The following LAMP3 variants were observed in gnomAD, a reference collection of about 807,000 sequenced individuals.
LAMP3 encodes the protein lysosome associated membrane protein 3.
In LAMP3, 26 loss-of-function variants were observed where a neutral mutation model predicts 34.8. The ratio of observed to expected loss-of-function variants is 0.75; its 90% CI spans 0.55 to 1.04. The LOEUF is 1.04. Ranked by LOEUF, LAMP3 falls within the 50% of genes least tolerant of loss-of-function variation. The pLI is 0.00. For missense variants in LAMP3, 495 were observed against 524.0 expected (o/e 0.94, Z 0.54); for synonymous variants, 180 against 201.9 (o/e 0.89, Z 0.92).
intron 1 of LAMP3, among the ~76,000 whole-genome samples, chr3:183,159,553 A>G (rs1464737760): frequency 6.6e-6 from 1 of 152,186 alleles, no homozygotes; most frequent in Non-Finnish European, 1.5e-5. Flanking sequence ...TTTAGCCCCC[A>G]GCATGTTTTC....
intron 3 of LAMP3, among the ~76,000 whole-genome samples, chr3:183,145,333 C>T (rs962170660): frequency 2.6e-5 from 4 of 152,278 alleles, no homozygotes; most frequent in Middle Eastern, 3.4e-3. Context: ...CCAAATACCA[C>T]GCTGAACACT....
intron 1 of LAMP3, among the ~76,000 whole-genome samples, chr3:183,159,346 G>A (rs188378180): frequency 1.2e-4 from 19 of 152,354 alleles, no homozygotes; most frequent in African/African-American, 4.6e-4. Flanking sequence ...CAGAAGTCTT[G>A]TATGTCTGGA....
chr3:183,158,980 C>A (rs1195931145), intron 1 of LAMP3, among the ~76,000 whole-genome samples: 1 of 151,936 alleles, frequency 6.6e-6, no homozygotes, highest in Admixed American at 6.6e-5. Context: ...CTCACTGTAG[C>A]CTCAGCTTCC....
At position 183,154,358 on chromosome 3, in the gene LAMP3, T is replaced by G. The variant is rs781069763; in HGVS notation, c.83A>C (p.Lys28Thr). ...ILHDGSQMRA[K>T]AFPETRDYSQ... ...ATAATCTCTGGTTTCTGGAAATGCT[T>G]TTGCTCTCATTTGACTGCCATCGTG... is the stretch of plus-strand genomic sequence containing the variant. The change falls in exon 2 of 6, where the codon AAA becomes ACA. Residue 28 changes from lysine (K) to threonine (T), a missense_variant. By Grantham distance (78) the Lys-to-Thr change is moderately conservative (BLOSUM62 -1). Coordinates refer to ENST00000265598, the MANE Select transcript of LAMP3 (RefSeq NM_014398.4). 2 of 1,605,104 alleles carry G rather than the reference T, an allele frequency of 1.2e-6. No individual in the cohort carries two copies. Among genetic ancestry groups the G allele is most frequent in the Non-Finnish European group, 1.7e-6 (2 of 1,176,188 alleles).
At chr3:183,136,051 T>G (rs1282352242) in intron 4 of LAMP3, among the ~76,000 whole-genome samples, 164 bp from the exon 5 acceptor site, 1 of 152,144 alleles carries the variant, frequency 6.6e-6, no homozygotes, top group East Asian at 1.9e-4. Flanking sequence ...TGGTGCGGTT[T>G]GGAGACTTTT....
Position 183,139,519 on chromosome 3 carries a change from G to A in LAMP3, c.946+1019C>T, listed in dbSNP as rs113191789. 3.2e-4 allele frequency among the ~76,000 whole-genome samples: 48 copies of A among 152,188 alleles called. 1 individual carries two copies. Among genetic ancestry groups the A allele is most frequent in the Middle Eastern group, 3.4e-3 (1 of 294 alleles). On this transcript the variant is annotated intron_variant, in intron 4 of 5. Transcript: ENST00000265598. ...AAGCCATGGATAGTACTGAACTCTA[G>A]ATATACTGTTTTTTCCTGCATATAC...
At chr3:183,137,458 A>G (rs912179461) in intron 4 of LAMP3, among the ~76,000 whole-genome samples, 3 of 152,166 alleles carry the variant, frequency 2.0e-5, no homozygotes, top group African/African-American at 7.2e-5. Flanking sequence ...TGGCCAGAGG[A>G]CCCAACTCTC....
At chr3:183,130,121 A>G (rs602586) in intron 5 of LAMP3, among the ~76,000 whole-genome samples, 128,877 of 149,362 alleles carry the variant, frequency 0.86, 56,070 homozygotes, top group Middle Eastern at 0.93. Context: ...TATGTTACTA[A>G]GACAGTCTTA....
chr3:183,147,865 C>T (rs1000075977), intron 3 of LAMP3, among the ~76,000 whole-genome samples: 18 of 152,076 alleles, frequency 1.2e-4, no homozygotes, highest in Non-Finnish European at 2.1e-4. Context: ...CACAGGTACA[C>T]GTCACCATGG....
chr3:183,163,670 G>C (rs985387829), upstream of LAMP3: 3 of 152,410 alleles, frequency 2.0e-5, no homozygotes, highest in Non-Finnish European at 4.4e-5. Context: ...CCAGCCACTA[G>C]GCGAGCAGGA....
intron 3 of LAMP3, among the ~76,000 whole-genome samples, chr3:183,142,877 G>T (rs2108603721): frequency 6.6e-6 from 1 of 152,284 alleles, no homozygotes; most frequent in African/African-American, 2.4e-5. Flanking sequence ...CCTTCCGGAT[G>T]CACAGGCAGA....
At chr3:183,134,553 T>G (rs1720025723) in intron 5 of LAMP3, among the ~76,000 whole-genome samples, 6 of 152,066 alleles carry the variant, frequency 3.9e-5, no homozygotes, top group Admixed American at 3.9e-4. Context: ...AAGAAAGAAA[T>G]AGTTTTCCAA....
At chr3:183,144,384 G>A (rs1720377902) in intron 3 of LAMP3, among the ~76,000 whole-genome samples, 1 of 152,180 alleles carries the variant, frequency 6.6e-6, no homozygotes, top group African/African-American at 2.4e-5. Flanking sequence ...ATGAAGTTTG[G>A]GGAACAATGA....
rs1449718229 is a variant in LAMP3, at chr3:183,122,799, T to C, written c.*1282A>G. ...GTCTCATGATCCTGGATAAACCCAT[T>C]TCCCTGTAAGGTGAGCGTATGCTGG... On this transcript the variant is annotated 3_prime_UTR_variant, in exon 6 of 6. Transcript: ENST00000265598. 1.3e-5 allele frequency: 2 copies of C among 152,212 alleles called. No homozygotes were observed. The highest frequency in any genetic ancestry group is 2.9e-5 in the Non-Finnish European group (2 of 68,036). The allele number at this position is 152,212 out of a possible 1,614,324, so 9.4% of individuals were successfully genotyped here.
chr3:183,140,460 A>T, intron 4 of LAMP3, 78 bp downstream of exon 4: 3 of 706,950 alleles, frequency 4.2e-6, no homozygotes, highest in Non-Finnish European at 7.5e-6. Context: ...ACATGAGAAG[A>T]TTCAATGGGA....
At position 183,130,409 on chromosome 3, in the gene LAMP3, C is replaced by T. The variant is rs546773852; in HGVS notation, c.1117+5308G>A. ...TCCTGACCTCATGATCCGCCCGCCT[C>T]GGCCTCCCAAAGTGCTGGGATTACA... On this transcript the variant is annotated intron_variant, in intron 5 of 5. Transcript: ENST00000265598. 2.7e-4 allele frequency among the ~76,000 whole-genome samples: 41 copies of T among 152,090 alleles called. 1 individual carries two copies. The highest frequency in any genetic ancestry group is 3.9e-4 in the African/African-American group (16 of 41,494).
At chr3:183,149,743 G>C (rs1720573024) in intron 3 of LAMP3, among the ~76,000 whole-genome samples, 1 of 151,266 alleles carries the variant, frequency 6.6e-6, no homozygotes. Context: ...GTAACACAAA[G>C]GATAAATGCT....
intron 5 of LAMP3, among the ~76,000 whole-genome samples, chr3:183,128,955 G>T (rs928880847): frequency 3.3e-5 from 5 of 152,118 alleles, no homozygotes; most frequent in African/African-American, 1.2e-4. Flanking sequence ...GGGCTTATTT[G>T]TGTTGCATCC....
intron 1 of LAMP3, chr3:183,158,103 C>T (rs1176577799): frequency 6.6e-6 from 1 of 152,290 alleles, no homozygotes; most frequent in Non-Finnish European, 1.5e-5. Context: ...CTCCTTCCCT[C>T]CTCTGGCCCT....
Sources: allele counts gnomAD v4.1 joint callset (sites outside exome capture counted in the v4.1 genomes callset), GRCh38; gene constraint gnomAD v4.1.1; transcripts MANE v1.5; gene names NCBI Gene and HGNC (gene_info 2026-07-23, HGNC 2026-07-21).